Variants in DUSP29 observed in about 807,000 individuals in gnomAD.
DUSP29 encodes dual specificity phosphatase 29.
DUSP29 carries 12 observed loss-of-function variants against 13.5 expected under a neutral mutation model. That is an observed-to-expected ratio of 0.89 (90% CI 0.57 to 1.44). DUSP29 has a LOEUF of 1.44. Among genes scored for constraint, DUSP29 ranks in the 40% most tolerant of loss-of-function variants. DUSP29 has a pLI of 0.00. For missense variants in DUSP29, 308 were observed against 301.1 expected (o/e 1.02, Z -0.17); for synonymous variants, 134 against 128.7 (o/e 1.04, Z -0.28).
chr10:75,053,067 G>T (rs568958412), intron 2 of DUSP29, among the ~76,000 whole-genome samples: 1 of 152,208 alleles, frequency 6.6e-6, no homozygotes, highest in South Asian at 2.1e-4. Context: ...TAAAGTGGCC[G>T]GGAGCGCAGC....
At chr10:75,071,462 C>T (rs1222543460) in intron 1 of DUSP29, among the ~76,000 whole-genome samples, 1 of 152,194 alleles carries the variant, frequency 6.6e-6, no homozygotes, top group East Asian at 1.9e-4. Flanking sequence ...CCCTAAGCCC[C>T]TCATCTACTG....
In DUSP29 at chr10:75,053,705, T is replaced by G. The variant is rs141819565; in HGVS notation, c.200+4610A>C. Among the ~76,000 whole-genome samples, 1,338 of 152,116 alleles carry G rather than the reference T, an allele frequency of 8.8e-3. 30 individuals are homozygous for G. The highest frequency in any genetic ancestry group is 0.029 in the African/African-American group (1,189 of 41,484). ...CTGACTGACCATGTTTTTTTTTTTTTGATCTGGATTTGAGTATAAATTTTA... is the reference window on the plus strand; with the variant it reads ...CTGACTGACCATGTTTTTTTTTTTTGGATCTGGATTTGAGTATAAATTTTA... On this transcript the variant is annotated intron_variant, in intron 2 of 3. Coordinates refer to ENST00000338487, the MANE Select transcript of DUSP29 (RefSeq NM_001003892.3).
chr10:75,070,226 C>A (rs898060391), intron 1 of DUSP29, among the ~76,000 whole-genome samples: 22 of 152,120 alleles, frequency 1.4e-4, no homozygotes, highest in Non-Finnish European at 2.9e-5. Flanking sequence ...AAACAACACA[C>A]CAAGCTAGTA....
chr10:75,065,876 A>ATT (rs1230999719), intron 1 of DUSP29, among the ~76,000 whole-genome samples: 1 of 146,364 alleles, frequency 6.8e-6, no homozygotes, highest in East Asian at 2.0e-4. Context: ...TATTATTATC[A>ATT]TTTATTTTAT....
intron 1 of DUSP29, among the ~76,000 whole-genome samples, chr10:75,066,816 C>G (rs962502716): frequency 6.6e-6 from 1 of 152,138 alleles, no homozygotes; most frequent in African/African-American, 2.4e-5. Flanking sequence ...GTGTCCTCCC[C>G]GAGGCTGCCC....
intron 3 of DUSP29, among the ~76,000 whole-genome samples, chr10:75,039,552 C>T (rs1846542038): frequency 6.6e-6 from 1 of 152,104 alleles, no homozygotes. Context: ...CTCTACTGCT[C>T]CTCAATTGCA....
In DUSP29 at chr10:75,043,293, T is replaced by A. The variant is rs532963912; in HGVS notation, c.421+504A>T. 3.9e-5 allele frequency among the ~76,000 whole-genome samples: 6 copies of A among 152,254 alleles called. No homozygotes were observed. The South Asian group carries it at 1.2e-3, about 32-fold the overall frequency. On this transcript the variant is annotated intron_variant, in intron 3 of 3. Transcript: ENST00000338487. The stretch of plus-strand genomic sequence containing the variant: ...CCACTCAAGTCAGCTCCCTGAGGGT[T>A]TTCTGGCATCAAAGCCCTTGGCTAC...
At chr10:75,063,008 C>T in intron 1 of DUSP29, among the ~76,000 whole-genome samples, 1 of 152,110 alleles carries the variant, frequency 6.6e-6, no homozygotes, top group East Asian at 1.9e-4. Flanking sequence ...CAAACTCAGG[C>T]TCCTTCAGGG....
At chr10:75,054,097 C>G (rs1176544385) in intron 2 of DUSP29, among the ~76,000 whole-genome samples, 1 of 152,142 alleles carries the variant, frequency 6.6e-6, no homozygotes, top group Non-Finnish European at 1.5e-5. Context: ...AGGAAGCTAG[C>G]TTCATGGCAG....
At chr10:75,062,888 G>A (rs550246747) in intron 1 of DUSP29, among the ~76,000 whole-genome samples, 2 of 152,176 alleles carry the variant, frequency 1.3e-5, no homozygotes, top group African/African-American at 4.8e-5. Flanking sequence ...AGGCCCCCAG[G>A]TTCCTGTTAC....
rs12253329 is a variant in DUSP29, at chr10:75,058,449, C to T, written c.66G>A (p.Pro22=). The T allele has an allele frequency of 7.8e-4, 1,267 of 1,614,236 alleles. 7 individuals are homozygous for T. In the African/African-American group the frequency reaches 0.015, roughly 20 times the overall value. ...NAYSSAKRLS[P]KMEEEGEEED... is the part of the protein sequence containing the mutation. ...CCTCCTCCCCTTCCTCCTCCATCTT[C>T]GGCGACAGCCTCTTGGCAGATGAGT... Residue 22 remains proline, a synonymous_variant, in exon 2 of 4, where the codon CCG becomes CCA. Transcript: ENST00000338487.
At chr10:75,046,022 G>A (rs932299235) in intron 2 of DUSP29, among the ~76,000 whole-genome samples, 1 of 152,050 alleles carries the variant, frequency 6.6e-6, no homozygotes. Flanking sequence ...AGGCTGAAGT[G>A]GGAGGATCAC....
At position 75,068,489 on chromosome 10, in the gene DUSP29, C is replaced by T. The variant is rs141546540; in HGVS notation, c.-35+5080G>A. On this transcript the variant is annotated intron_variant, in intron 1 of 3. Coordinates refer to ENST00000338487, the MANE Select transcript of DUSP29 (RefSeq NM_001003892.3). Reference sequence around the variant, plus strand: ...GAGAACCTTCTAAATATGAAAAATCCTCCTCTCCCTTCGAAGGCATTCTGT... The same window carrying T: ...GAGAACCTTCTAAATATGAAAAATCTTCCTCTCCCTTCGAAGGCATTCTGT... Among the ~76,000 whole-genome samples the T allele has an allele frequency of 3.9e-5, 6 of 152,198 alleles. No individual in the cohort carries two copies. In the East Asian group the frequency reaches 1.2e-3, roughly 29 times the overall value.
chr10:75,054,802 T>C (rs969273069), intron 2 of DUSP29, among the ~76,000 whole-genome samples: 16 of 152,150 alleles, frequency 1.1e-4, no homozygotes, highest in Non-Finnish European at 2.2e-4. Flanking sequence ...CTCTTACCAA[T>C]AGGGAAACCG....
At chr10:75,070,070 AAAGGAAGGAAGGAAGGAAGGAAGG>A (rs71024533) in intron 1 of DUSP29, among the ~76,000 whole-genome samples, 16,024 of 105,342 alleles carry the variant, frequency 0.15, 1,729 homozygotes, top group East Asian at 0.27. Flanking sequence ...AAGAAAGAAG[AAAGGAAGGAAGGAAGGAAGGAAGG>A]AAGGAAGGAA....
intron 3 of DUSP29, among the ~76,000 whole-genome samples, chr10:75,040,937 C>T (rs1032170240): frequency 6.6e-6 from 1 of 152,164 alleles, no homozygotes; most frequent in African/African-American, 2.4e-5. Flanking sequence ...CCACAAGGAA[C>T]GCTTTTCAAA....
chr10:75,038,150 C>T, intron 3 of DUSP29, 73 bp from the exon 4 acceptor site: 1 of 1,537,856 alleles, frequency 6.5e-7, no homozygotes, highest in South Asian at 1.2e-5. Flanking sequence ...GGCCCACTCC[C>T]ATCCTGACTG....
At chr10:75,043,758 G>T in intron 3 of DUSP29, 39 bp downstream of exon 3, 2 of 1,543,792 alleles carry the variant, frequency 1.3e-6, no homozygotes, top group African/African-American at 1.4e-5. Context: ...GGGGCGGGGC[G>T]GGGCGGGGCC....
At position 75,037,958 on chromosome 10, in the gene DUSP29, G is replaced by T. The variant is rs555154041; in HGVS notation, c.541C>A (p.Arg181Ser). The T allele has an allele frequency of 6.2e-7, 1 of 1,613,960 alleles. No homozygotes were observed. The highest frequency in any genetic ancestry group is 1.1e-5 in the South Asian group (1 of 91,084). Residue 181 changes from arginine (R) to serine (S), a missense_variant, in exon 4 of 4, where the codon CGC becomes AGC. By Grantham distance (110) the Arg-to-Ser change is moderately radical. Coordinates refer to ENST00000338487, the MANE Select transcript of DUSP29 (RefSeq NM_001003892.3). The stretch of plus-strand genomic sequence containing the variant: ...AAGCCCCGGTTCGGGAGGACGCAGC[G>T]GTTCTTGGCCACTTGCTGGATGGCG... ...VDAIQQVAKNRCVLPNRGFLK... is the reference protein window; with the variant it reads ...VDAIQQVAKNSCVLPNRGFLK...
Sources: gnomAD v4.1 joint callset for allele counts (sites outside exome capture counted in the v4.1 genomes callset) on GRCh38, gnomAD v4.1.1 for gene constraint, MANE v1.5 for transcripts, NCBI Gene and HGNC (gene_info 2026-07-23, HGNC 2026-07-21) for gene names.